Variants in NOTCH2 observed in about 807,000 individuals in gnomAD.
NOTCH2 encodes notch receptor 2.
NOTCH2 carries 29 observed loss-of-function variants against 235.8 expected under a neutral mutation model. That is an observed-to-expected ratio of 0.12 (90% CI 0.09 to 0.17). NOTCH2 has a LOEUF of 0.17. NOTCH2 is among the 10% of genes least tolerant of loss of function. NOTCH2 has a pLI of 1.00. For missense variants in NOTCH2, 2,285 were observed against 3,150.2 expected, an observed-to-expected ratio of 0.73 and a Z score of 6.57; for synonymous variants, 1,086 against 1,141.5, an observed-to-expected ratio of 0.95 and a Z score of 0.98.
intron 13 of NOTCH2, among the ~76,000 whole-genome samples, chr1:119,954,306 A>G (rs998396010): frequency 4.6e-5 from 7 of 152,244 alleles, no homozygotes; most frequent in Non-Finnish European, 5.9e-5. Flanking sequence ...GGAGAATTTT[A>G]AGAAAATGAG....
chr1:119,955,420 T>C (rs782558179), intron 12 of NOTCH2, among the ~76,000 whole-genome samples, 188 bp from the exon 13 acceptor site: 39 of 152,234 alleles, frequency 2.6e-4, no homozygotes, highest in Non-Finnish European at 4.9e-4. Flanking sequence ...GCAAAGAGCA[T>C]TGACTTTTGA....
At chr1:119,996,294 A>G in intron 4 of NOTCH2, 1 of 239,640 alleles carries the variant, frequency 4.2e-6, no homozygotes, top group South Asian at 5.6e-5. Flanking sequence ...TTGTGTGTGC[A>G]CTCTAGAACA....
chr1:120,005,084 G>C, intron 3 of NOTCH2: 1 of 651,286 alleles, frequency 1.5e-6, no homozygotes, highest in Non-Finnish European at 2.6e-6. Flanking sequence ...CACCGCACCT[G>C]GCCCTGACAT....
intron 1 of NOTCH2, among the ~76,000 whole-genome samples, chr1:120,062,991 G>A (rs1446096179): frequency 6.6e-6 from 1 of 151,914 alleles, no homozygotes; most frequent in Non-Finnish European, 1.5e-5. Context: ...AAAAAAGAGA[G>A]ACAGGAGAAA....
intron 22 of NOTCH2, among the ~76,000 whole-genome samples, chr1:119,929,481 T>A (rs1553194851): frequency 6.6e-6 from 1 of 152,162 alleles, no homozygotes; most frequent in Non-Finnish European, 1.5e-5. Context: ...ATGGTGTAGG[T>A]CCTATTATTT....
Position 119,922,729 on chromosome 1 carries a change from C to A in NOTCH2, c.4909G>T (p.Asp1637Tyr). The A allele has an allele frequency of 6.2e-7, 1 of 1,614,218 alleles. No individual in the cohort carries two copies. Among genetic ancestry groups the A allele is most frequent in the Admixed American group, 1.7e-5 (1 of 60,032 alleles). The change falls in exon 27 of 34, where the codon GAC becomes TAC. Residue 1637 changes from aspartate to tyrosine, a missense_variant. Transcript: ENST00000256646. ...GCATCCGTGTTCTTGAAGCAGTGGT[C>A]TGAGTCTTGAACACACTGGCGGTTG... ...IDNRQCVQDS[D>Y]HCFKNTDAAA...
chr1:119,967,831 A>C (rs1186417931), intron 7 of NOTCH2, among the ~76,000 whole-genome samples: 2 of 152,212 alleles, frequency 1.3e-5, no homozygotes, highest in Admixed American at 6.5e-5. Context: ...GTTTCTGCCC[A>C]AACTGTCATT....
chr1:119,937,482 A>G lies in NOTCH2; in HGVS notation c.3338-16T>C. On this transcript the variant is annotated splice_polypyrimidine_tract_variant and intron_variant, in intron 20 of 33. Coordinates refer to ENST00000256646, the MANE Select transcript of NOTCH2 (RefSeq NM_024408.4). ...ACAAGCACACCTGGGAAACCCAGTG[A>G]GGGAGAAATGTCATAGAAGAACATG... The G allele has an allele frequency of 6.2e-7, 1 of 1,610,902 alleles. No homozygotes were observed. Among genetic ancestry groups the G allele is most frequent in the Non-Finnish European group, 8.5e-7 (1 of 1,178,772 alleles).
At chr1:119,970,136 C>T (rs139589456) in intron 5 of NOTCH2, among the ~76,000 whole-genome samples, 45 of 152,132 alleles carry the variant, frequency 3.0e-4, no homozygotes, top group African/African-American at 1.1e-3. Context: ...ATATGCCAAA[C>T]ATTAGGGTAA....
chr1:119,926,693 A>C, intron 23 of NOTCH2, 82 bp from the exon 24 acceptor site: 1 of 1,096,992 alleles, frequency 9.1e-7, no homozygotes. Context: ...CTGGGATGGG[A>C]ACTAGCCATA....
At chr1:119,960,181 T>G (rs1553198854) in intron 11 of NOTCH2, among the ~76,000 whole-genome samples, 2 of 152,180 alleles carry the variant, frequency 1.3e-5, no homozygotes, top group African/African-American at 4.8e-5. Flanking sequence ...AAACCTGTCA[T>G]TTTGAGGAAA....
chr1:119,936,352 C>T (rs1346174356), intron 21 of NOTCH2, among the ~76,000 whole-genome samples: 1 of 152,158 alleles, frequency 6.6e-6, no homozygotes, highest in Non-Finnish European at 1.5e-5. Context: ...GGTCAGAGAG[C>T]TCTAAAGGCC....
chr1:120,037,550 A>T (rs1654356724), intron 1 of NOTCH2, among the ~76,000 whole-genome samples: 1 of 144,442 alleles, frequency 6.9e-6, no homozygotes, highest in African/African-American at 2.7e-5. Flanking sequence ...GGATCAAGCC[A>T]TGAAAAAAAA....
chr1:120,001,079 T>C (rs1303053873), intron 3 of NOTCH2, among the ~76,000 whole-genome samples: 1 of 152,194 alleles, frequency 6.6e-6, no homozygotes, highest in Non-Finnish European at 1.5e-5. Flanking sequence ...TGCTTCTTCC[T>C]AATTTTCTCT....
At chr1:119,974,446 A>G (rs587662038) in intron 5 of NOTCH2, among the ~76,000 whole-genome samples, 1 of 152,326 alleles carries the variant, frequency 6.6e-6, no homozygotes, top group South Asian at 2.1e-4. Context: ...TAATGCCACA[A>G]TGACTCTGGA....
At chr1:119,969,807 G>A in intron 5 of NOTCH2, 63 bp from the exon 6 acceptor site, 4 of 1,368,934 alleles carry the variant, frequency 2.9e-6, no homozygotes, top group Non-Finnish European at 4.2e-6. Flanking sequence ...TACCATACCA[G>A]CCCCCCACAC....
chr1:120,067,440 G>T (rs1553217292), intron 1 of NOTCH2, among the ~76,000 whole-genome samples: 1 of 152,082 alleles, frequency 6.6e-6, no homozygotes. Context: ...TATAATAAAA[G>T]AAGCCCTATG....
chr1:119,969,814 A>C (rs1411173975), intron 5 of NOTCH2, 70 bp from the exon 6 acceptor site: 10 of 1,312,848 alleles, frequency 7.6e-6, no homozygotes, highest in African/African-American at 2.9e-5. Context: ...CCAGCCCCCC[A>C]CACTCTTCAT....
intron 5 of NOTCH2, among the ~76,000 whole-genome samples, chr1:119,978,488 A>C (rs895242243): frequency 1.2e-4 from 19 of 152,262 alleles, no homozygotes; most frequent in African/African-American, 4.3e-4. Flanking sequence ...AAACTTCAAG[A>C]ACTGCAGAGT....
Sources: allele counts gnomAD v4.1 joint callset (sites outside exome capture counted in the v4.1 genomes callset), GRCh38; gene constraint gnomAD v4.1.1; transcripts MANE v1.5; gene names NCBI Gene and HGNC (gene_info 2026-07-23, HGNC 2026-07-21).